Variants in FAM53C observed in about 807,000 individuals in gnomAD.
FAM53C encodes family with sequence similarity 53 member C, also known as protein FAM53C.
A neutral mutation model predicts 34.7 loss-of-function variants in FAM53C; 10 were observed. The observed-to-expected ratio is 0.29, with a 90% CI of 0.18 to 0.49. The LOEUF (loss-of-function observed/expected upper bound fraction) is 0.49. Ranked by LOEUF, FAM53C falls within the 20% of genes least tolerant of loss-of-function variation. The probability of loss-of-function intolerance (pLI) is 0.99; values close to 1 mark genes in which losing one functional copy is unlikely to be tolerated. For synonymous variants in FAM53C, 203 were observed against 203.6 expected, an observed-to-expected ratio of 1.00 and a Z score of 0.03; for missense variants, 442 against 515.3, an observed-to-expected ratio of 0.86 and a Z score of 1.38.
At chr5:138,340,865 T>C (rs1761015371) in intron 1 of FAM53C, among the ~76,000 whole-genome samples, 1 of 152,210 alleles carries the variant, frequency 6.6e-6, no homozygotes, top group African/African-American at 2.4e-5. Flanking sequence ...AAATAATCAT[T>C]TGGGCATCCC....
At chr5:138,341,478 C>A in intron 2 of FAM53C, 65 bp downstream of exon 2, 1 of 1,369,266 alleles carries the variant, frequency 7.3e-7, no homozygotes, top group Non-Finnish European at 1.0e-6. Flanking sequence ...CTGATTGTTG[C>A]TATTACTTTA....
intron 1 of FAM53C, 68 bp downstream of exon 1, chr5:138,338,375 C>T (rs1053670728): frequency 1.8e-5 from 7 of 388,522 alleles, no homozygotes; most frequent in South Asian, 5.3e-5. Flanking sequence ...TCCCTCCTTC[C>T]CTCTTTCCCC....
intron 3 of FAM53C, 104 bp from the exon 4 acceptor site, chr5:138,344,721 T>C (rs1761119594): frequency 9.5e-7 from 1 of 1,055,270 alleles, no homozygotes; most frequent in Admixed American, 2.8e-5. Context: ...ATAAGGTTTT[T>C]GGAAATTTTC....
In FAM53C at chr5:138,345,672, T is replaced by G; in HGVS notation, c.921+63T>G. The G allele has an allele frequency of 6.5e-7, 1 of 1,541,914 alleles. No individual in the cohort carries two copies. Among genetic ancestry groups the G allele is most frequent in the Non-Finnish European group, 8.8e-7 (1 of 1,139,436 alleles). ...GTGGGGACTGTTCTGTTTCCACTTTTGAGCTAGCCCCTAGCTTCATTACCC... is the reference window on the plus strand; with the variant it reads ...GTGGGGACTGTTCTGTTTCCACTTTGGAGCTAGCCCCTAGCTTCATTACCC... On this transcript the variant is annotated intron_variant, in intron 4 of 4. Transcript: ENST00000239906. The surrounding 1 kb of genome is among the most constrained non-coding windows in gnomAD (Gnocchi z 6.3).
rs1761152410 is a variant in FAM53C at position 138,345,647 on chromosome 5, G to A, written c.921+38G>A. ...AGACTAGGGGAGCTTAGATGGGAGT[G>A]TGGGGACTGTTCTGTTTCCACTTTT... On this transcript the variant is annotated intron_variant, in intron 4 of 4. Coordinates refer to ENST00000239906, the MANE Select transcript of FAM53C (RefSeq NM_016605.3). The surrounding 1 kb of genome is among the most constrained non-coding windows in gnomAD (Gnocchi z 6.3). The A allele has an allele frequency of 4.4e-6, 7 of 1,579,264 alleles. No homozygotes were observed. The highest frequency in any genetic ancestry group is 6.0e-6 in the Non-Finnish European group (7 of 1,161,326).
chr5:138,348,815 A>G lies in FAM53C; in HGVS notation c.*1856A>G, dbSNP rs1176698472. ...CCAGGAGTTGCCCATCTATGGTTTC[A>G]TTCCTCCCCTGGCTCTTCTCCCTCT... On this transcript the variant is annotated 3_prime_UTR_variant, in exon 5 of 5. Transcript: ENST00000239906. 1 of 152,158 alleles carries G rather than the reference A, an allele frequency of 6.6e-6. No individual in the cohort carries two copies. Among genetic ancestry groups the G allele is most frequent in the Non-Finnish European group, 1.5e-5 (1 of 68,070 alleles). The allele number at this position is 152,158 out of a possible 1,614,324, so 9.4% of individuals were successfully genotyped here.
chr5:138,345,460 C>G lies in FAM53C; in HGVS notation c.772C>G (p.Leu258Val). 1 of 1,614,092 alleles carries G rather than the reference C, an allele frequency of 6.2e-7. No homozygotes were observed. The highest frequency in any genetic ancestry group is 8.5e-7 in the Non-Finnish European group (1 of 1,180,048). ...ARSSPASSPE[L>V]PWRPRGLRNL... ...GAGCTCTCCCGCATCCTCCCCAGAG[C>G]TGCCCTGGCGACCTCGAGGTCTCCG... Residue 258 changes from leucine to valine, a missense_variant, in exon 4 of 5, where the codon CTG (leucine) becomes GTG (valine). Coordinates refer to ENST00000239906, the MANE Select transcript of FAM53C (RefSeq NM_016605.3). The surrounding 1 kb of genome is among the most constrained non-coding windows in gnomAD (Gnocchi z 6.3).
Position 138,347,327 on chromosome 5 carries a change from C to G in FAM53C, c.*368C>G. ...GGGCACTTGTGTCTTAGAATTTGGC[C>G]AGGGTGGGGGGTTGAGTCAGCCTCC... On this transcript the variant is annotated 3_prime_UTR_variant, in exon 5 of 5. Transcript: ENST00000239906. 2 of 301,302 alleles carry G rather than the reference C, an allele frequency of 6.6e-6. No individual in the cohort carries two copies. The highest frequency in any genetic ancestry group is 1.3e-5 in the Non-Finnish European group (2 of 157,906). The allele number at this position is 301,302 out of a possible 1,614,324, so 18.7% of individuals were successfully genotyped here.
At chr5:138,337,850 C>G, upstream of FAM53C, 1 of 675,346 alleles carries the variant, frequency 1.5e-6, no homozygotes, top group Non-Finnish European at 2.2e-6. Context: ...GGCAGCAGAG[C>G]AGGTGAGGGG....
chr5:138,345,126 G>C lies in FAM53C; in HGVS notation c.438G>C (p.Lys146Asn). The C allele has an allele frequency of 6.2e-7, 1 of 1,614,054 alleles. No individual in the cohort carries two copies. The highest frequency in any genetic ancestry group is 8.5e-7 in the Non-Finnish European group (1 of 1,179,984). The change falls in exon 4 of 5, where the codon AAG (lysine) becomes AAC (asparagine). Residue 146 changes from lysine (K) to asparagine (N), a missense_variant. Lys to Asn is a moderately conservative substitution (Grantham distance 94). Transcript: ENST00000239906. This position sits in a 1 kb window ranked among gnomAD's most constrained non-coding sequence, Gnocchi z 6.3. Reference sequence around the variant, plus strand: ...CCTCCAAGCTGTGGACTCCCATAAAGCACCGGGGCAGTGGTGGAGGGGGTG... The same window carrying C: ...CCTCCAAGCTGTGGACTCCCATAAACCACCGGGGCAGTGGTGGAGGGGGTG... ...PAPSKLWTPI[K>N]HRGSGGGGGP...
At position 138,341,840 on chromosome 5, in the gene FAM53C, G is replaced by A; in HGVS notation, c.110G>A (p.Cys37Tyr). The change falls in exon 3 of 5, where the codon TGT becomes TAT. Residue 37 changes from cysteine to tyrosine, a missense_variant. Cys to Tyr is a radical substitution (Grantham distance 194). Transcript: ENST00000239906. ...CCTGATCATGCAGACATCTCCAACT[G>A]TGGGAACTCTTTCCAGCTTGTGTCT... ...PLPDHADISN[C>Y]GNSFQLVSEG... is the part of the protein sequence containing the mutation. 6.2e-7 allele frequency: 1 copy of A among 1,614,180 alleles called. No homozygotes were observed. Among genetic ancestry groups the A allele is most frequent in the African/African-American group, 1.3e-5 (1 of 75,042 alleles).
chr5:138,344,707 C>A, intron 3 of FAM53C, 118 bp from the exon 4 acceptor site: 1 of 800,412 alleles, frequency 1.2e-6, no homozygotes, highest in East Asian at 2.8e-5. Context: ...ATACTACCTA[C>A]CTCATAAGGT....
chr5:138,341,727 A>G, intron 2 of FAM53C, 82 bp from the exon 3 acceptor site: 1 of 1,239,560 alleles, frequency 8.1e-7, no homozygotes, highest in East Asian at 2.3e-5. Context: ...CATGAATCGC[A>G]GAGGAGAACT....
At chr5:138,341,667 T>G in intron 2 of FAM53C, 142 bp from the exon 3 acceptor site, 2 of 817,610 alleles carry the variant, frequency 2.4e-6, no homozygotes, top group Non-Finnish European at 4.1e-6. Flanking sequence ...CTTACTAACT[T>G]TGGGAAGACA....
At chr5:138,344,801 A>G in intron 3 of FAM53C, 24 bp from the exon 4 acceptor site, 1 of 1,505,920 alleles carries the variant, frequency 6.6e-7, no homozygotes, top group African/African-American at 1.4e-5. Flanking sequence ...CATTAATATT[A>G]TTCTTATTAT....
rs917013558 is a variant in FAM53C at position 138,349,494 on chromosome 5, C to A, written c.*2535C>A. 6.5e-6 allele frequency: 1 copy of A among 152,684 alleles called. No individual in the cohort carries two copies. Among genetic ancestry groups the A allele is most frequent in the Admixed American group, 6.5e-5 (1 of 15,280 alleles). The allele number at this position is 152,684 out of a possible 1,614,324, so 9.5% of individuals were successfully genotyped here. ...AGCCACTCCCCAGGCTGGTGCTCTCCTCCTGTGCCCAGTGACTGCCCAGTG... is the reference window on the plus strand; with the variant it reads ...AGCCACTCCCCAGGCTGGTGCTCTCATCCTGTGCCCAGTGACTGCCCAGTG... On this transcript the variant is annotated 3_prime_UTR_variant, in exon 5 of 5. Transcript: ENST00000239906.
upstream of FAM53C, chr5:138,337,768 G>T: frequency 2.7e-6 from 1 of 372,970 alleles, no homozygotes; most frequent in Non-Finnish European, 5.1e-6. Flanking sequence ...CTTCCCAGCA[G>T]CCTTCACGCC....
chr5:138,344,997 A>G lies in FAM53C; in HGVS notation c.309A>G (p.Pro103=). 6.2e-7 allele frequency: 1 copy of G among 1,613,734 alleles called. No individual in the cohort carries two copies. Among genetic ancestry groups the G allele is most frequent in the East Asian group, 2.2e-5 (1 of 44,828 alleles). Residue 103 remains proline (P), a synonymous_variant, in exon 4 of 5, where the codon CCA becomes CCG. Transcript: ENST00000239906. ...TCCTAAGACCTGAGCCCCCAGATCCAGAGAAGCTTCCTGTGCCCCCTGCCC... is the reference window on the plus strand; with the variant it reads ...TCCTAAGACCTGAGCCCCCAGATCCGGAGAAGCTTCCTGTGCCCCCTGCCC... ...SQVLRPEPPD[P]EKLPVPPAPP... is the part of the protein sequence containing the mutation.
chr5:138,339,378 T>G (rs1760953307), intron 1 of FAM53C, among the ~76,000 whole-genome samples: 1 of 152,182 alleles, frequency 6.6e-6, no homozygotes, highest in Admixed American at 6.5e-5. Flanking sequence ...AGGCTGAGAG[T>G]ATCAGTTGCG....
Sources: allele counts gnomAD v4.1 joint callset (sites outside exome capture counted in the v4.1 genomes callset), GRCh38; gene constraint gnomAD v4.1.1; non-coding constraint Gnocchi (gnomAD v3.1); transcripts MANE v1.5; gene names NCBI Gene and HGNC (gene_info 2026-07-23, HGNC 2026-07-21).